SPOCK1: variants seen among roughly 807,000 people sequenced by gnomAD.
SPOCK1 encodes testican-1.
A neutral mutation model predicts 55.3 loss-of-function variants in SPOCK1; 23 were observed. The ratio of observed to expected loss-of-function variants is 0.42; its 90% CI spans 0.30 to 0.59. SPOCK1 has a LOEUF of 0.59. Ranked by LOEUF, SPOCK1 falls within the 20% of genes least tolerant of loss-of-function variation. The pLI is 0.22. For missense variants in SPOCK1, 499 were observed against 552.5 expected (o/e 0.90, Z 0.97); for synonymous variants, 226 against 221.0 (o/e 1.02, Z -0.20).
intron 2 of SPOCK1, among the ~76,000 whole-genome samples, chr5:137,430,106 G>A (rs990319808): frequency 1.3e-5 from 2 of 152,204 alleles, no homozygotes; most frequent in Non-Finnish European, 2.9e-5. Flanking sequence ...TGATGAGGAT[G>A]ATAAACACAT....
intron 2 of SPOCK1, among the ~76,000 whole-genome samples, chr5:137,363,937 G>C (rs2127167449): frequency 6.6e-6 from 1 of 152,306 alleles, no homozygotes; most frequent in Admixed American, 6.5e-5. Flanking sequence ...AGGAAGCAGG[G>C]TGGATGGCAG....
At chr5:137,457,325 T>C (rs988708665) in intron 2 of SPOCK1, among the ~76,000 whole-genome samples, 1 of 152,192 alleles carries the variant, frequency 6.6e-6, no homozygotes, top group African/African-American at 2.4e-5. Flanking sequence ...AGTCTATCCA[T>C]GCAGGATGAG....
chr5:137,324,314 G>C (rs1027283597), intron 2 of SPOCK1, among the ~76,000 whole-genome samples: 1 of 152,096 alleles, frequency 6.6e-6, no homozygotes, highest in Non-Finnish European at 1.5e-5. Flanking sequence ...GTGTGGGGAT[G>C]AGTGCCAATA....
chr5:137,256,488 GA>G (rs1391174247), intron 3 of SPOCK1, among the ~76,000 whole-genome samples: 3 of 152,208 alleles, frequency 2.0e-5, no homozygotes, highest in Non-Finnish European at 4.4e-5. Context: ...CATGGTGACA[GA>G]GGGCAAGAGG....
At chr5:137,048,738 A>G (rs1752145628) in intron 6 of SPOCK1, among the ~76,000 whole-genome samples, 1 of 101,046 alleles carries the variant, frequency 9.9e-6, no homozygotes, top group African/African-American at 4.0e-5. Flanking sequence ...CCTAGTCTCG[A>G]TGGTCTTTAC....
At chr5:137,140,234 C>G (rs1008369708) in intron 4 of SPOCK1, among the ~76,000 whole-genome samples, 1 of 152,174 alleles carries the variant, frequency 6.6e-6, no homozygotes, top group East Asian at 1.9e-4. Context: ...AAACACTTGG[C>G]CCCTGCTTTC....
intron 2 of SPOCK1, among the ~76,000 whole-genome samples, chr5:137,453,577 CG>C (rs147503544): frequency 0.018 from 2,750 of 152,228 alleles, 29 homozygotes; most frequent in Middle Eastern, 0.027. Flanking sequence ...AGCCCAGCCA[CG>C]GGAATCTAGA....
chr5:137,072,954 C>T (rs1055368967), intron 5 of SPOCK1, among the ~76,000 whole-genome samples: 7 of 152,150 alleles, frequency 4.6e-5, no homozygotes, highest in African/African-American at 1.7e-4. Context: ...AGGAAGTGAG[C>T]GGCTGCTGAC....
chr5:137,154,598 C>G (rs935764630), intron 3 of SPOCK1, among the ~76,000 whole-genome samples: 4 of 152,208 alleles, frequency 2.6e-5, no homozygotes, highest in Non-Finnish European at 5.9e-5. Flanking sequence ...ACATGTGCAT[C>G]CTTGGTGCAA....
chr5:137,420,748 C>T (rs1209616874), intron 2 of SPOCK1, among the ~76,000 whole-genome samples: 2 of 152,250 alleles, frequency 1.3e-5, no homozygotes, highest in Admixed American at 6.5e-5. Context: ...AAAAAACCAG[C>T]TCCTGGGTTC....
At chr5:137,048,819 C>G (rs1399601819) in intron 6 of SPOCK1, among the ~76,000 whole-genome samples, 1 of 89,776 alleles carries the variant, frequency 1.1e-5, no homozygotes, top group African/African-American at 4.4e-5. Flanking sequence ...TTCAGGAGCT[C>G]TTTTAGGGCA....
chr5:137,490,202 C>T (rs898015677), intron 2 of SPOCK1, among the ~76,000 whole-genome samples: 3 of 152,208 alleles, frequency 2.0e-5, no homozygotes, highest in African/African-American at 4.8e-5. Flanking sequence ...AACCAACCTG[C>T]TTGGGCTGTA....
intron 2 of SPOCK1, among the ~76,000 whole-genome samples, chr5:137,491,548 T>C (rs992805025): frequency 6.6e-6 from 1 of 152,144 alleles, no homozygotes; most frequent in African/African-American, 2.4e-5. Context: ...TGGGGCTCTG[T>C]GGTAAAGGTC....
intron 3 of SPOCK1, among the ~76,000 whole-genome samples, chr5:137,175,044 C>T (rs945505889): frequency 2.0e-5 from 3 of 152,184 alleles, no homozygotes; most frequent in Admixed American, 6.5e-5. Flanking sequence ...CTGTAAAAAT[C>T]TACAGTTCAG....
chr5:137,123,585 G>A (rs762871789), intron 4 of SPOCK1, among the ~76,000 whole-genome samples: 10 of 152,140 alleles, frequency 6.6e-5, no homozygotes, highest in Non-Finnish European at 1.3e-4. Context: ...AGCAGAACCA[G>A]ACAGAACCTA....
Position 136,976,918 on chromosome 5 carries a change from A to G in SPOCK1, c.*1736T>C, listed in dbSNP as rs1362625598. 6.6e-6 allele frequency: 1 copy of G among 152,222 alleles called. No homozygotes were observed. The highest frequency in any genetic ancestry group is 2.4e-5 in the African/African-American group (1 of 41,454). 9.4% of individuals were successfully genotyped at this position (152,222 alleles called of 1,614,324 possible). Reference sequence around the variant, plus strand: ...GTGAGTTGGTACATCTAAATGGTCAATTTGGGATGGGGGATTGGTCAGCTG... The same window carrying G: ...GTGAGTTGGTACATCTAAATGGTCAGTTTGGGATGGGGGATTGGTCAGCTG... On this transcript the variant is annotated 3_prime_UTR_variant, in exon 11 of 11. Transcript: ENST00000394945.
intron 3 of SPOCK1, among the ~76,000 whole-genome samples, chr5:137,181,049 T>G (rs1042629292): frequency 6.6e-6 from 1 of 152,150 alleles, no homozygotes; most frequent in Non-Finnish European, 1.5e-5. Flanking sequence ...CCTTCTAGTC[T>G]GGAGTTCCAA....
chr5:137,441,944 T>C (rs1265748581), intron 2 of SPOCK1, among the ~76,000 whole-genome samples: 2 of 152,108 alleles, frequency 1.3e-5, no homozygotes, highest in Non-Finnish European at 2.9e-5. Flanking sequence ...GAATAAATGG[T>C]CCCAGAGCCA....
chr5:137,254,308 T>C (rs1428330268), intron 3 of SPOCK1, among the ~76,000 whole-genome samples: 14 of 152,206 alleles, frequency 9.2e-5, no homozygotes, highest in Admixed American at 9.2e-4. Flanking sequence ...TGTTTCATAA[T>C]ACCTGCTTGA....
Sources: gnomAD v4.1 joint callset for allele counts (sites outside exome capture counted in the v4.1 genomes callset) on GRCh38, gnomAD v4.1.1 for gene constraint, MANE v1.5 for transcripts, NCBI Gene and HGNC (gene_info 2026-07-23, HGNC 2026-07-21) for gene names.